The following PRKDC variants were observed in gnomAD, a reference collection of about 807,000 sequenced individuals.
PRKDC encodes the protein protein kinase, DNA-activated, catalytic subunit, also known as DNA-dependent protein kinase catalytic subunit.
A neutral mutation model predicts 486.9 loss-of-function variants in PRKDC; 82 were observed. That is an observed-to-expected ratio of 0.17 (90% CI 0.14 to 0.20). The LOEUF is 0.20. Ranked by LOEUF, PRKDC falls within the 10% of genes least tolerant of loss-of-function variation. The pLI, the probability that PRKDC is intolerant of heterozygous loss-of-function variation, is 1.00. For missense variants in PRKDC, 4,504 were observed against 5,038.2 expected (o/e 0.89, Z 3.21); for synonymous variants, 1,895 against 1,837.0 (o/e 1.03, Z -0.81).
At chr8:47,855,582 G>A (rs573927577) in intron 49 of PRKDC, among the ~76,000 whole-genome samples, 142 of 152,340 alleles carry the variant, frequency 9.3e-4, no homozygotes, top group Non-Finnish European at 1.7e-3. Flanking sequence ...CAGAGTTGCC[G>A]TCCAGGGTGC....
At chr8:47,955,835 T>C (rs2090691812) in intron 4 of PRKDC, 39 bp downstream of exon 4, 3 of 1,454,810 alleles carry the variant, frequency 2.1e-6, no homozygotes, top group Admixed American at 2.0e-5. Flanking sequence ...AAAAGTTACA[T>C]GTTTAATGTA....
At chr8:47,852,195 G>A (rs973504216) in intron 52 of PRKDC, among the ~76,000 whole-genome samples, 1 of 152,164 alleles carries the variant, frequency 6.6e-6, no homozygotes, top group Non-Finnish European at 1.5e-5. Flanking sequence ...GCACTTAAAC[G>A]TTCAGTTAGG....
chr8:47,820,611 C>T (rs2087567930), intron 66 of PRKDC, 108 bp downstream of exon 66: 1 of 711,640 alleles, frequency 1.4e-6, no homozygotes, highest in Non-Finnish European at 1.9e-6. Flanking sequence ...CATGAGTTTA[C>T]TGAGTTTTAA....
chr8:47,946,167 T>C (rs1356279881), intron 7 of PRKDC, among the ~76,000 whole-genome samples: 2 of 152,030 alleles, frequency 1.3e-5, no homozygotes, highest in East Asian at 3.9e-4. Flanking sequence ...CCGTCTCTAC[T>C]AAAAATAGGA....
intron 25 of PRKDC, among the ~76,000 whole-genome samples, chr8:47,908,058 C>T (rs918657407): frequency 6.6e-6 from 1 of 152,192 alleles, no homozygotes; most frequent in Non-Finnish European, 1.5e-5. Context: ...TTAAGCAGCT[C>T]TCTTGTAAGG....
intron 7 of PRKDC, among the ~76,000 whole-genome samples, chr8:47,953,055 C>T (rs1248792852): frequency 6.6e-6 from 1 of 151,988 alleles, no homozygotes; most frequent in Non-Finnish European, 1.5e-5. Flanking sequence ...GCAGGAGAAT[C>T]ACTTGAACCA....
intron 27 of PRKDC, 123 bp from the exon 28 acceptor site, chr8:47,900,590 G>T: frequency 2.5e-6 from 2 of 791,832 alleles, no homozygotes; most frequent in Non-Finnish European, 3.8e-6. Flanking sequence ...GGCCGGGTGC[G>T]GTGGCTCACG....
intron 40 of PRKDC, among the ~76,000 whole-genome samples, chr8:47,871,999 G>A (rs190506308): frequency 2.8e-4 from 42 of 152,312 alleles, no homozygotes; most frequent in African/African-American, 8.9e-4. Flanking sequence ...TTGTAACACT[G>A]TAATTGTGGT....
At position 47,898,526 on chromosome 8, in the gene PRKDC, G is replaced by A; in HGVS notation, c.3408C>T (p.Arg1136=). 1 of 1,548,682 alleles carries A rather than the reference G, an allele frequency of 6.5e-7. No individual in the cohort carries two copies. Among genetic ancestry groups the A allele is most frequent in the Admixed American group, 1.8e-5 (1 of 55,094 alleles). ...QCCDAIDHLC[R]IIEKKHVSLN... The stretch of plus-strand genomic sequence containing the variant: ...AAGAAACATGCTTCTTTTCAATGAT[G>A]CGGCATAGGTGATCAATGGCATCAC... Residue 1136 remains arginine, a synonymous_variant, in exon 29 of 86, where the codon CGC becomes CGT. Transcript: ENST00000314191.
intron 36 of PRKDC, among the ~76,000 whole-genome samples, chr8:47,882,447 T>C (rs565062099): frequency 6.6e-6 from 1 of 151,020 alleles, no homozygotes; most frequent in African/African-American, 2.4e-5. Flanking sequence ...CACACAAATA[T>C]GCACATATGC....
intron 68 of PRKDC, among the ~76,000 whole-genome samples, chr8:47,811,073 G>T (rs555709705): frequency 6.6e-4 from 100 of 152,292 alleles, no homozygotes; most frequent in African/African-American, 2.3e-3. Flanking sequence ...ACAGATTCAA[G>T]AAGGTAAGTG....
intron 84 of PRKDC, among the ~76,000 whole-genome samples, chr8:47,777,469 A>C (rs1414730607): frequency 6.6e-6 from 1 of 152,144 alleles, no homozygotes; most frequent in Non-Finnish European, 1.5e-5. Flanking sequence ...TCTGCCTCCC[A>C]AAGTTTTGGG....
At chr8:47,778,399 G>T in intron 83 of PRKDC, 60 bp downstream of exon 83, 1 of 1,530,564 alleles carries the variant, frequency 6.5e-7, no homozygotes, top group South Asian at 1.2e-5. Flanking sequence ...TCTGGAGGTT[G>T]TTGAAAGTCC....
intron 29 of PRKDC, among the ~76,000 whole-genome samples, chr8:47,897,912 C>A (rs2089611571): frequency 6.6e-6 from 1 of 152,098 alleles, no homozygotes; most frequent in African/African-American, 2.4e-5. Flanking sequence ...AACAGATGTC[C>A]CCAGATACCC....
intron 85 of PRKDC, among the ~76,000 whole-genome samples, chr8:47,776,297 A>G (rs1389576744): frequency 6.6e-6 from 1 of 152,196 alleles, no homozygotes; most frequent in Non-Finnish European, 1.5e-5. Context: ...TAAGTTGACA[A>G]TAGATTGCCA....
chr8:47,933,224 A>C (rs2090287830), intron 15 of PRKDC, 52 bp from the exon 16 acceptor site: 3 of 1,369,092 alleles, frequency 2.2e-6, no homozygotes, highest in Middle Eastern at 5.2e-4. Context: ...AAAATGTATT[A>C]GTATTTTATA....
intron 71 of PRKDC, among the ~76,000 whole-genome samples, chr8:47,800,546 C>T (rs562855455): frequency 1.6e-4 from 25 of 151,944 alleles, no homozygotes; most frequent in Non-Finnish European, 2.6e-4. Flanking sequence ...CAGCATGGCA[C>T]ATGTATACAT....
At chr8:47,913,290 C>T (rs928267728) in intron 24 of PRKDC, among the ~76,000 whole-genome samples, 25 of 152,216 alleles carry the variant, frequency 1.6e-4, no homozygotes, top group African/African-American at 6.0e-4. Context: ...TGTTTCTAAT[C>T]TCCCAGAGTT....
rs370820156 is a variant in PRKDC, at chr8:47,837,415, T to C, written c.7558A>G (p.Ile2520Val). Reference protein sequence around the residue: ...LIDENPGLQLIIRNFWSHETR... With the variant: ...LIDENPGLQLVIRNFWSHETR... ...TCATGGCTCCAGAAATTTCGAATAA[T>C]TAATCTGAAAAGCAAAGAGAAAAAA... is the stretch of plus-strand genomic sequence containing the variant. The change falls in exon 57 of 86, where the codon ATT becomes GTT. Residue 2520 changes from isoleucine to valine, a missense_variant. Around this residue, in one of 6 missense-constraint regions of PRKDC, gnomAD observed 1,592 missense variants for 1,724.6 expected, o/e 0.92. Transcript: ENST00000314191. 1.1e-5 allele frequency: 18 copies of C among 1,601,290 alleles called. No homozygotes were observed. The African/African-American group carries it at 2.4e-4, about 21-fold the overall frequency.
Sources: gnomAD v4.1 joint callset for allele counts (sites outside exome capture counted in the v4.1 genomes callset) on GRCh38, gnomAD v4.1.1 for gene constraint, gnomAD v4.1.1 regional missense constraint, MANE v1.5 for transcripts, NCBI Gene and HGNC (gene_info 2026-07-23, HGNC 2026-07-21) for gene names.